Variants in DAB1 observed in about 807,000 individuals in gnomAD.
DAB1 encodes the protein DAB adaptor protein 1.
DAB1 carries 15 observed loss-of-function variants against 64.6 expected under a neutral mutation model. The ratio of observed to expected loss-of-function variants is 0.23; its 90% confidence interval spans 0.16 to 0.36. The LOEUF (loss-of-function observed/expected upper bound fraction) is 0.36. Among genes scored for constraint, DAB1 ranks in the 10% least tolerant of loss-of-function variants. The pLI, the probability that DAB1 is intolerant of heterozygous loss-of-function variation, is 1.00. For missense variants in DAB1, 596 were observed against 706.7 expected (o/e 0.84, Z 1.78); for synonymous variants, 235 against 251.9 (o/e 0.93, Z 0.64).
chr1:58,166,651 A>C (rs1655848897), intron 4 of DAB1, among the ~76,000 whole-genome samples: 2 of 151,970 alleles, frequency 1.3e-5, no homozygotes, highest in Non-Finnish European at 2.9e-5. Context: ...ATATGTTTTC[A>C]TATAGGCAAA....
chr1:58,277,765 A>T (rs1313740758), intron 4 of DAB1, among the ~76,000 whole-genome samples: 1 of 152,078 alleles, frequency 6.6e-6, no homozygotes, highest in African/African-American at 2.4e-5. Context: ...TGTGAGTTTT[A>T]CCTCCTCCAT....
In DAB1 at chr1:57,453,438, A is replaced by T. The variant is rs118070398; in HGVS notation, n.626-162272T>A. Among the ~76,000 whole-genome samples, 241 of 152,226 alleles carry T rather than the reference A, an allele frequency of 1.6e-3. 1 individual carries two copies. In the East Asian group the frequency reaches 0.038, roughly 24 times the overall value. ...AAACATCCATGTGCTCATATTTTGG[A>T]GTTAAAGGAGCCCCATACTGTTTTA... On this transcript the variant is annotated intron_variant and non_coding_transcript_variant, in intron 7 of 20. Transcript: ENST00000485760.
intron 1 of DAB1, among the ~76,000 whole-genome samples, chr1:57,315,454 C>T (rs757099892): frequency 5.9e-5 from 9 of 152,072 alleles, no homozygotes; most frequent in South Asian, 4.1e-4. Context: ...TAGGTGGGTA[C>T]GTGGGTGGGT....
chr1:58,054,091 CT>C (rs1198442477), intron 5 of DAB1, among the ~76,000 whole-genome samples: 1 of 152,244 alleles, frequency 6.6e-6, no homozygotes, highest in Non-Finnish European at 1.5e-5. Context: ...GTGCTGACTT[CT>C]TTGCATCACA....
chr1:57,982,694 G>A (rs1413057179), intron 5 of DAB1, among the ~76,000 whole-genome samples: 1 of 152,152 alleles, frequency 6.6e-6, no homozygotes, highest in African/African-American at 2.4e-5. Context: ...TCATAACTAA[G>A]TCGGATGATT....
chr1:57,243,401 C>A (rs1444934540), intron 2 of DAB1, among the ~76,000 whole-genome samples: 2 of 152,132 alleles, frequency 1.3e-5, no homozygotes, highest in South Asian at 4.1e-4. Flanking sequence ...TTTCCCAATA[C>A]TTTTTGCCCC....
At chr1:57,976,986 GT>G (rs1316719914) in intron 5 of DAB1, among the ~76,000 whole-genome samples, 8 of 152,094 alleles carry the variant, frequency 5.3e-5, no homozygotes, top group Admixed American at 3.9e-4. Flanking sequence ...CATGAAATCA[GT>G]TTCCCTTTCC....
At chr1:58,101,061 A>T (rs1651286704) in intron 5 of DAB1, among the ~76,000 whole-genome samples, 1 of 152,208 alleles carries the variant, frequency 6.6e-6, no homozygotes, top group Non-Finnish European at 1.5e-5. Flanking sequence ...TCACACCTGT[A>T]ATCCCAACAT....
At chr1:57,754,900 T>A (rs1167129186) in intron 6 of DAB1, among the ~76,000 whole-genome samples, 2 of 152,106 alleles carry the variant, frequency 1.3e-5, no homozygotes, top group Non-Finnish European at 2.9e-5. Flanking sequence ...AGATTCCCAA[T>A]GCACATTTTC....
At chr1:57,514,772 C>T (rs1644444993) in intron 7 of DAB1, among the ~76,000 whole-genome samples, 1 of 152,190 alleles carries the variant, frequency 6.6e-6, no homozygotes, top group African/African-American at 2.4e-5. Flanking sequence ...GGTTCAAATG[C>T]TAGCCTCTCC....
chr1:56,998,380 A>G (rs987852696), intron 14 of DAB1, among the ~76,000 whole-genome samples: 4 of 152,212 alleles, frequency 2.6e-5, no homozygotes, highest in Non-Finnish European at 5.9e-5. Flanking sequence ...GGGAAGTAGC[A>G]TGGTATAGTA....
intron 9 of DAB1, among the ~76,000 whole-genome samples, chr1:57,033,209 C>T (rs1647020899): frequency 6.6e-6 from 1 of 152,176 alleles, no homozygotes; most frequent in Non-Finnish European, 1.5e-5. Flanking sequence ...CATACACTCT[C>T]ACTATCTGAC....
At chr1:58,438,966 G>A (rs951138534) in intron 3 of DAB1, among the ~76,000 whole-genome samples, 2 of 152,114 alleles carry the variant, frequency 1.3e-5, no homozygotes, top group Non-Finnish European at 2.9e-5. Context: ...GCGAGGCAGT[G>A]TGACGTAGGG....
chr1:57,890,068 C>T (rs1032463456), intron 5 of DAB1, among the ~76,000 whole-genome samples: 9 of 151,996 alleles, frequency 5.9e-5, no homozygotes, highest in African/African-American at 1.5e-4. Flanking sequence ...ATGGAGCCCA[C>T]GGTCGAGTGG....
At chr1:58,032,593 T>C (rs570461675) in intron 5 of DAB1, among the ~76,000 whole-genome samples, 1 of 152,084 alleles carries the variant, frequency 6.6e-6, no homozygotes, top group Non-Finnish European at 1.5e-5. Flanking sequence ...CCAGCAGGAG[T>C]TGTCATCTGT....
At chr1:57,355,385 C>G (rs1358350847) in intron 1 of DAB1, among the ~76,000 whole-genome samples, 1 of 151,160 alleles carries the variant, frequency 6.6e-6, no homozygotes, top group African/African-American at 2.4e-5. Context: ...TCCTTCCTTC[C>G]TTCCTTCCGT....
chr1:58,222,897 G>A (rs1345900664), intron 4 of DAB1, among the ~76,000 whole-genome samples: 1 of 152,150 alleles, frequency 6.6e-6, no homozygotes, highest in African/African-American at 2.4e-5. Context: ...TACAGCTGAG[G>A]ACACTGAGGC....
chr1:58,537,077 T>C (rs907974460), intron 1 of DAB1, among the ~76,000 whole-genome samples: 10 of 151,634 alleles, frequency 6.6e-5, no homozygotes, highest in African/African-American at 2.4e-4. Context: ...TCTCTCTCTC[T>C]CTCTCTCTGT....
intron 5 of DAB1, among the ~76,000 whole-genome samples, chr1:58,051,677 A>G (rs143180139): frequency 2.1e-4 from 32 of 152,284 alleles, no homozygotes; most frequent in African/African-American, 7.5e-4. Flanking sequence ...GTGTAAAAGC[A>G]TTCCTATTTC....
Sources: allele counts gnomAD v4.1 joint callset (sites outside exome capture counted in the v4.1 genomes callset), GRCh38; gene constraint gnomAD v4.1.1; transcripts MANE v1.5; gene names NCBI Gene and HGNC (gene_info 2026-07-23, HGNC 2026-07-21).